Variants in REC8 observed in about 807,000 individuals in gnomAD.
The protein encoded by REC8 is meiotic recombination protein REC8 homolog.
REC8 carries 42 observed loss-of-function variants against 78.3 expected under a neutral mutation model. That is an observed-to-expected ratio of 0.54 (90% CI 0.42 to 0.69). The LOEUF (loss-of-function observed/expected upper bound fraction) is 0.69, where lower values mean the gene tolerates loss of function less well. REC8 is among the 30% of genes least tolerant of loss of function. The probability of loss-of-function intolerance (pLI) is 0.00; values close to 1 mark genes in which losing one functional copy is unlikely to be tolerated. For synonymous variants in REC8, 268 were observed against 274.1 expected, an observed-to-expected ratio of 0.98 and a Z score of 0.22; for missense variants, 581 against 715.8, an observed-to-expected ratio of 0.81 and a Z score of 2.15.
rs765505808 is a variant in REC8, at chr14:24,179,871, G to A, written c.1523G>A (p.Arg508His). Residue 508 changes from arginine to histidine, a missense_variant, in exon 18 of 19, where the codon CGC (arginine) becomes CAC (histidine). Transcript: ENST00000611366. ...FSSLVSPLSP[R>H]RMAARVFYLL... ...AGCCTGGTGTCACCTCTCAGCCCCC[G>A]CAGGATGGCTGCCCGGGTCTTCTAC... The A allele has an allele frequency of 6.2e-6, 10 of 1,613,824 alleles. No individual in the cohort carries two copies. The highest frequency in any genetic ancestry group is 4.5e-5 in the East Asian group (2 of 44,882).
At chr14:24,179,288 G>C in intron 15 of REC8, 109 bp from the exon 16 acceptor site, 1 of 1,307,518 alleles carries the variant, frequency 7.6e-7, no homozygotes, top group Non-Finnish European at 1.1e-6. Flanking sequence ...CCACCTATGT[G>C]CTTTTAACAA....
chr14:24,173,011 G>C lies in REC8; in HGVS notation c.238G>C (p.Val80Leu). 6.2e-7 allele frequency: 1 copy of C among 1,608,350 alleles called. No homozygotes were observed. The stretch of plus-strand genomic sequence containing the variant: ...CCAACTTCAGATCGGTGTGATCCGC[G>C]TCTATTCTCAACAATGCCAGTACCT... ...SAQLQIGVIR[V>L]YSQQCQYLVE... The change falls in exon 3 of 19, where the codon GTC becomes CTC. Residue 80 changes from valine to leucine, a missense_variant. Coordinates refer to ENST00000611366, the MANE Select transcript of REC8 (RefSeq NM_001048205.2).
intron 5 of REC8, among the ~76,000 whole-genome samples, chr14:24,174,397 C>A (rs1276343923): frequency 6.6e-6 from 1 of 152,202 alleles, no homozygotes; most frequent in Non-Finnish European, 1.5e-5. Flanking sequence ...CCTGCCTCGG[C>A]CTCCCGAATA....
intron 5 of REC8, chr14:24,175,328 C>T: frequency 2.0e-6 from 1 of 496,784 alleles, no homozygotes. Context: ...TTGATGAGGG[C>T]TAGATAACTG....
At chr14:24,177,326 C>A in intron 8 of REC8, 27 bp from the exon 9 acceptor site, 1 of 1,614,158 alleles carries the variant, frequency 6.2e-7, no homozygotes, top group Middle Eastern at 1.6e-4. Context: ...TTTTTCTGTC[C>A]TCTGAACTCT....
rs772851998 is a variant in REC8, at chr14:24,179,730, C to G, written c.1451+4C>G. The G allele has an allele frequency of 4.3e-6, 7 of 1,614,204 alleles. No individual in the cohort carries two copies. Among genetic ancestry groups the G allele is most frequent in the East Asian group, 4.5e-5 (2 of 44,884 alleles). On this transcript the variant is annotated splice_donor_region_variant and intron_variant, in intron 17 of 18. Coordinates refer to ENST00000611366, the MANE Select transcript of REC8 (RefSeq NM_001048205.2). ...TCTCACTGGAAGCAGTGCACAGGTA[C>G]CAGGGAGGTGGCACCTTGATGGGGT...
At chr14:24,180,604 C>T (rs763556257), downstream of REC8, 4 of 1,611,712 alleles carry the variant, frequency 2.5e-6, no homozygotes, top group Non-Finnish European at 3.4e-6. Flanking sequence ...AAGGTCGGGG[C>T]TCCTAAAGCC....
At chr14:24,179,532 G>A in intron 16 of REC8, 63 bp from the exon 17 acceptor site, 1 of 1,613,870 alleles carries the variant, frequency 6.2e-7, no homozygotes, top group Non-Finnish European at 8.5e-7. Flanking sequence ...CAGCTGCTGG[G>A]ATGGGTATGC....
Position 24,173,175 on chromosome 14 carries a change from C to T in REC8, c.318C>T (p.Ile106=), listed in dbSNP as rs2038743885. The change falls in exon 4 of 19, where the codon ATC becomes ATT. Residue 106 remains isoleucine, a synonymous_variant. Coordinates refer to ENST00000611366, the MANE Select transcript of REC8 (RefSeq NM_001048205.2). ...GCCTCCACCGTGCCCAGCTGCAGAT[C>T]CGAATAGATATGGAGACTGAGCTGT... ...LERLHRAQLQ[I]RIDMETELPS... The T allele has an allele frequency of 6.2e-7, 1 of 1,614,164 alleles. No homozygotes were observed.
intron 6 of REC8, 46 bp downstream of exon 6, chr14:24,175,670 C>T (rs1026460496): frequency 1.3e-5 from 19 of 1,479,588 alleles, no homozygotes; most frequent in African/African-American, 2.8e-5. Flanking sequence ...TAGGCAGGCC[C>T]AAGAGCTGTA....
chr14:24,174,963 CACA>C (rs2038824260), intron 5 of REC8, among the ~76,000 whole-genome samples: 1 of 151,730 alleles, frequency 6.6e-6, no homozygotes, highest in Admixed American at 6.6e-5. Flanking sequence ...CTCTGTCAAC[CACA>C]ACACTTGCCA....
downstream of REC8, chr14:24,180,668 G>T: frequency 6.2e-7 from 1 of 1,614,014 alleles, no homozygotes; most frequent in Non-Finnish European, 8.5e-7. Flanking sequence ...GCAAGCCCCT[G>T]CCTATGACTC....
In REC8 at chr14:24,172,429, T is replaced by G. The variant is rs2038708379; in HGVS notation, c.-124T>G. On this transcript the variant is annotated 5_prime_UTR_variant, in exon 1 of 19. Coordinates refer to ENST00000611366, the MANE Select transcript of REC8 (RefSeq NM_001048205.2). ...CTTGGCTTTCTAGGTGCACCCACCTTGCCACCAGAGAAGTCCAAATCCTGA... is the reference window on the plus strand; with the variant it reads ...CTTGGCTTTCTAGGTGCACCCACCTGGCCACCAGAGAAGTCCAAATCCTGA... 2 of 1,006,302 alleles carry G rather than the reference T, an allele frequency of 2.0e-6. No individual in the cohort carries two copies. The highest frequency in any genetic ancestry group is 2.9e-6 in the Non-Finnish European group (2 of 692,312). The allele number at this position is 1,006,302 out of a possible 1,614,324, so 62.3% of individuals were successfully genotyped here. A position where few individuals can be genotyped will look rare whatever the true frequency, so the allele number is the denominator to read the frequency against.
chr14:24,177,778 ATCCTCC>A lies in REC8; in HGVS notation c.864+32_864+37del, dbSNP rs140077849. On this transcript the variant is annotated intron_variant, in intron 11 of 18. Coordinates refer to ENST00000611366, the MANE Select transcript of REC8 (RefSeq NM_001048205.2). ...CCAGAGGTGAGTAGCCTCCCTTCTA[ATCCTCC>A]TCCTCCTCCTCTTTGCCCTCCCCCA... is the stretch of plus-strand genomic sequence containing the variant. The A allele has an allele frequency of 1.3e-6, 2 of 1,577,604 alleles. No individual in the cohort carries two copies. The highest frequency in any genetic ancestry group is 1.4e-5 in the African/African-American group (1 of 72,858).
Position 24,172,475 on chromosome 14 carries a change from A to G in REC8, c.-78A>G. ...CCTGACTTCTCTCCAAGGTGTTGGG[A>G]ATTCTGTGCCCTAAAGAATTCCGAC... On this transcript the variant is annotated 5_prime_UTR_variant, in exon 1 of 19. Coordinates refer to ENST00000611366, the MANE Select transcript of REC8 (RefSeq NM_001048205.2). The G allele has an allele frequency of 6.8e-7, 1 of 1,465,004 alleles. No individual in the cohort carries two copies. Among genetic ancestry groups the G allele is most frequent in the Non-Finnish European group, 9.3e-7 (1 of 1,075,694 alleles). The allele number at this position is 1,465,004 out of a possible 1,614,324, so 90.8% of individuals were successfully genotyped here.
At chr14:24,176,780 T>G in intron 6 of REC8, 42 bp from the exon 7 acceptor site, 1 of 1,506,576 alleles carries the variant, frequency 6.6e-7, no homozygotes, top group African/African-American at 1.4e-5. Flanking sequence ...TGTGGGAATT[T>G]GGAAAGAAGC....
chr14:24,180,022 AAC>A lies in REC8; in HGVS notation c.1573_1574del (p.Gln525AspfsTer?), dbSNP rs778041288. The stretch of plus-strand genomic sequence containing the variant: ...GCCTCTTGACCAGTGCTCTCAGCGC[AAC>A]AGATTCTTCACGTGAAACAAGAAAA... On this transcript the variant is annotated frameshift_variant, in exon 19 of 19. Coordinates refer to ENST00000611366, the MANE Select transcript of REC8 (RefSeq NM_001048205.2). LOFTEE classifies it high-confidence loss of function. 1.9e-6 allele frequency: 3 copies of A among 1,614,170 alleles called. No individual in the cohort carries two copies. Among genetic ancestry groups the A allele is most frequent in the Non-Finnish European group, 2.5e-6 (3 of 1,180,026 alleles).
chr14:24,173,530 T>A (rs1594406808), intron 5 of REC8, 119 bp downstream of exon 5: 2 of 1,539,286 alleles, frequency 1.3e-6, no homozygotes, highest in African/African-American at 2.7e-5. Context: ...CCACAGGAGA[T>A]GGTGCAGGGG....
chr14:24,179,746 T>A lies in REC8; in HGVS notation c.1451+20T>A, dbSNP rs760067218. On this transcript the variant is annotated intron_variant, in intron 17 of 18. Coordinates refer to ENST00000611366, the MANE Select transcript of REC8 (RefSeq NM_001048205.2). ...GCACAGGTACCAGGGAGGTGGCACCTTGATGGGGTGGACCCGGGCTGAAGC... is the reference window on the plus strand; with the variant it reads ...GCACAGGTACCAGGGAGGTGGCACCATGATGGGGTGGACCCGGGCTGAAGC... The A allele has an allele frequency of 3.7e-6, 6 of 1,614,142 alleles. No homozygotes were observed. In the South Asian group the frequency reaches 6.6e-5, roughly 18 times the overall value.
Sources: allele counts gnomAD v4.1 joint callset (sites outside exome capture counted in the v4.1 genomes callset), GRCh38; gene constraint gnomAD v4.1.1; transcripts MANE v1.5; gene names NCBI Gene and HGNC (gene_info 2026-07-23, HGNC 2026-07-21).